TMEM266: variants seen among roughly 807,000 people sequenced by gnomAD.
TMEM266 encodes transmembrane protein 266, also known as Hv1 related protein 1.
TMEM266 carries 33 observed loss-of-function variants against 50.5 expected under a neutral mutation model. The ratio of observed to expected loss-of-function variants is 0.65; its 90% confidence interval spans 0.50 to 0.87. The LOEUF is 0.87. Ranked by LOEUF, TMEM266 falls within the 40% of genes least tolerant of loss-of-function variation. TMEM266 has a pLI of 0.00. For synonymous variants in TMEM266, 310 were observed against 292.3 expected (o/e 1.06, Z -0.62); for missense variants, 655 against 695.1 (o/e 0.94, Z 0.65).
intron 9 of TMEM266, among the ~76,000 whole-genome samples, chr15:76,197,433 T>C (rs2038672013): frequency 1.3e-5 from 2 of 152,350 alleles, no homozygotes; most frequent in South Asian, 2.1e-4. Flanking sequence ...GCCCTAACTT[T>C]GGTTCACTGC....
rs190525467 is a variant in TMEM266 at position 76,184,661 on chromosome 15, G to A, written c.769-7307G>A. Among the ~76,000 whole-genome samples, 75 of 152,342 alleles carry A rather than the reference G, an allele frequency of 4.9e-4. 1 individual carries two copies. The highest frequency in any genetic ancestry group is 3.8e-3 in the Admixed American group (58 of 15,302). ...GTGTGCATTGATCAGGACAAGGCCC[G>A]TGTCAATTGGACTCCACAACCGGAC... On this transcript the variant is annotated intron_variant, in intron 8 of 10. Transcript: ENST00000388942.
At chr15:76,188,552 G>A (rs980706636) in intron 8 of TMEM266, among the ~76,000 whole-genome samples, 2 of 152,164 alleles carry the variant, frequency 1.3e-5, no homozygotes, top group Admixed American at 1.3e-4. Flanking sequence ...TCAGTGAGCC[G>A]AGATGATGCC....
intron 1 of TMEM266, among the ~76,000 whole-genome samples, chr15:76,119,777 T>A (rs927773991): frequency 5.3e-5 from 8 of 150,534 alleles, no homozygotes; most frequent in African/African-American, 1.7e-4. Context: ...AAAAAAAAAA[T>A]TAATTAAAAA....
In TMEM266 at chr15:76,120,886, AAT is replaced by A. The variant is rs376484557; in HGVS notation, c.-96-13280_-96-13279del. ...CAGGTAATGTGGGGGAAGCAGGAAA[AAT>A]AGAAAAACAGACTCCACTAAAACAT... On this transcript the variant is annotated intron_variant, in intron 1 of 10. Coordinates refer to ENST00000388942, the MANE Select transcript of TMEM266 (RefSeq NM_152335.3). 4.3e-3 allele frequency among the ~76,000 whole-genome samples: 662 copies of A among 152,260 alleles called. 6 individuals carry two copies. The highest frequency in any genetic ancestry group is 0.015 in the African/African-American group (618 of 41,524).
At chr15:76,106,556 C>T (rs1176606993) in intron 1 of TMEM266, among the ~76,000 whole-genome samples, 3 of 152,120 alleles carry the variant, frequency 2.0e-5, no homozygotes, top group Non-Finnish European at 2.9e-5. Flanking sequence ...CCTCCTGCCT[C>T]AGCCTCCCAA....
At chr15:76,122,118 G>A (rs1567158703) in intron 1 of TMEM266, among the ~76,000 whole-genome samples, 1 of 152,278 alleles carries the variant, frequency 6.6e-6, no homozygotes, top group Non-Finnish European at 1.5e-5. Context: ...TCTCACACAT[G>A]CCTGGAGGGC....
chr15:76,192,101 C>T lies in TMEM266; in HGVS notation c.902C>T (p.Thr301Met), dbSNP rs186450715. 7.7e-6 allele frequency: 11 copies of T among 1,433,718 alleles called. No individual in the cohort carries two copies. The highest frequency in any genetic ancestry group is 1.0e-5 in the Non-Finnish European group (11 of 1,095,224). The allele number at this position is 1,433,718 out of a possible 1,614,324, so 88.8% of individuals were successfully genotyped here. A position where few individuals can be genotyped will look rare whatever the true frequency, so the allele number is the denominator to read the frequency against. ...CGCTTCAAAGTGTTGGAGGCCGGCA[C>T]GTGGGACGAGGAGACGGCGGCCGAG... is the stretch of plus-strand genomic sequence containing the variant. Residue 301 changes from threonine (T) to methionine (M), a missense_variant, in exon 9 of 11, where the codon ACG becomes ATG. Physicochemically the swap from Thr to Met is moderately conservative, Grantham distance 81 (BLOSUM62 -1). This residue lies in a region of TMEM266 where 455 missense variants were observed against 401.8 expected (regional missense o/e 1.13). Coordinates refer to ENST00000388942, the MANE Select transcript of TMEM266 (RefSeq NM_152335.3).
At chr15:76,103,109 T>A (rs1596105731) in intron 1 of TMEM266, among the ~76,000 whole-genome samples, 1 of 151,182 alleles carries the variant, frequency 6.6e-6, no homozygotes, top group Non-Finnish European at 1.5e-5. Context: ...ATAGTGGGGG[T>A]TTGGACCAGG....
At position 76,171,143 on chromosome 15, in the gene TMEM266, G is replaced by T. The variant is rs531624434; in HGVS notation, c.652+12G>T. 6.2e-7 allele frequency: 1 copy of T among 1,612,892 alleles called. No homozygotes were observed. The highest frequency in any genetic ancestry group is 1.1e-5 in the South Asian group (1 of 90,928). On this transcript the variant is annotated intron_variant, in intron 7 of 10. Coordinates refer to ENST00000388942, the MANE Select transcript of TMEM266 (RefSeq NM_152335.3). Reference sequence around the variant, plus strand: ...GAGGGTCATTGATGGTGAGTGGCCCGAGGGGGGTGTGGTCAGTGGGGCTGC... The same window carrying T: ...GAGGGTCATTGATGGTGAGTGGCCCTAGGGGGGTGTGGTCAGTGGGGCTGC...
chr15:76,119,006 G>C (rs1330267006), intron 1 of TMEM266, among the ~76,000 whole-genome samples: 3 of 152,100 alleles, frequency 2.0e-5, no homozygotes, highest in African/African-American at 7.2e-5. Context: ...TTTAACCCTC[G>C]TCATCATGCA....
chr15:76,144,212 A>G (rs1254076883), intron 3 of TMEM266, among the ~76,000 whole-genome samples: 2 of 109,474 alleles, frequency 1.8e-5, no homozygotes, highest in African/African-American at 4.4e-5. Flanking sequence ...GACCTCACCC[A>G]CCCATTACCA....
intron 1 of TMEM266, among the ~76,000 whole-genome samples, chr15:76,100,106 C>T (rs2036980269): frequency 6.6e-6 from 1 of 152,042 alleles, no homozygotes; most frequent in Non-Finnish European, 1.5e-5. Flanking sequence ...TGGGTGGGGA[C>T]ACAGAGGGAA....
chr15:76,063,690 C>G (rs1402050557), intron 1 of TMEM266, among the ~76,000 whole-genome samples: 1 of 152,160 alleles, frequency 6.6e-6, no homozygotes, highest in African/African-American at 2.4e-5. Flanking sequence ...AATGAATGCT[C>G]CAAAGGGCAG....
intron 1 of TMEM266, among the ~76,000 whole-genome samples, chr15:76,078,229 C>G (rs546035176): frequency 6.6e-6 from 1 of 152,184 alleles, no homozygotes; most frequent in East Asian, 1.9e-4. Flanking sequence ...GATGGATCCC[C>G]TCAAGGTGCC....
In TMEM266 at chr15:76,137,902, G is replaced by A; in HGVS notation, c.227+7G>A. On this transcript the variant is annotated splice_region_variant and intron_variant, in intron 3 of 10. Coordinates refer to ENST00000388942, the MANE Select transcript of TMEM266 (RefSeq NM_152335.3). ...AAGATTACCAAAGAGAAGGGTAGGT[G>A]CTGGGACCATTGAGCTAGCTAAGAA... 6.4e-7 allele frequency: 1 copy of A among 1,555,008 alleles called. No homozygotes were observed.
At position 76,134,172 on chromosome 15, in the gene TMEM266, C is replaced by T; in HGVS notation, c.-92C>T. ...AGTTCCTATTTTTGTTTTCAGGGCA[C>T]TATATTTGTATGTGTCTTGTAGAAC... is the stretch of plus-strand genomic sequence containing the variant. On this transcript the variant is annotated 5_prime_UTR_variant, in exon 2 of 11. Coordinates refer to ENST00000388942, the MANE Select transcript of TMEM266 (RefSeq NM_152335.3). The T allele has an allele frequency of 7.1e-7, 1 of 1,418,204 alleles. No individual in the cohort carries two copies. Among genetic ancestry groups the T allele is most frequent in the Non-Finnish European group, 9.9e-7 (1 of 1,012,086 alleles). The allele number at this position is 1,418,204 out of a possible 1,614,324, so 87.9% of individuals were successfully genotyped here.
At chr15:76,181,429 A>T (rs150006364) in intron 8 of TMEM266, 1 of 152,252 alleles carries the variant, frequency 6.6e-6, no homozygotes, top group Admixed American at 6.5e-5. Context: ...CAGTCATACC[A>T]TTCCAAAGCC....
Position 76,139,544 on chromosome 15 carries a change from C to A in TMEM266, c.227+1649C>A, listed in dbSNP as rs531848699. ...TACTTAGAAGGGTCCCAACACTTGGCTAAATGCTCTGCCGCTGCTGTCTTG... is the reference window on the plus strand; with the variant it reads ...TACTTAGAAGGGTCCCAACACTTGGATAAATGCTCTGCCGCTGCTGTCTTG... On this transcript the variant is annotated intron_variant, in intron 3 of 10. Coordinates refer to ENST00000388942, the MANE Select transcript of TMEM266 (RefSeq NM_152335.3). The surrounding 1 kb of genome is among the most constrained non-coding windows in gnomAD (Gnocchi z 4.1). Among the ~76,000 whole-genome samples the A allele has an allele frequency of 2.0e-5, 3 of 152,218 alleles. No individual in the cohort carries two copies. The highest frequency in any genetic ancestry group is 2.0e-4 in the Admixed American group (3 of 15,278).
At chr15:76,155,083 A>T (rs1250429439) in intron 3 of TMEM266, among the ~76,000 whole-genome samples, 1 of 152,234 alleles carries the variant, frequency 6.6e-6, no homozygotes, top group Non-Finnish European at 1.5e-5. Context: ...GTGACCTGTG[A>T]GTTCAGGAGC....
Sources: allele counts gnomAD v4.1 joint callset (sites outside exome capture counted in the v4.1 genomes callset), GRCh38; gene constraint gnomAD v4.1.1; regional missense constraint gnomAD v4.1.1; non-coding constraint Gnocchi (gnomAD v3.1); transcripts MANE v1.5; gene names NCBI Gene and HGNC (gene_info 2026-07-23, HGNC 2026-07-21).